STON1: variants seen among roughly 807,000 people sequenced by gnomAD.
STON1 encodes the protein stonin 1, also known as stonin-1.
Under a neutral mutation model 60.9 loss-of-function variants are expected in STON1, and 79 were observed. The ratio of observed to expected loss-of-function variants is 1.30; its 90% CI spans 1.08 to 1.56. STON1 has a LOEUF of 1.56. Ranked by LOEUF, STON1 falls within the 40% of genes most tolerant of loss-of-function variation. The probability of loss-of-function intolerance (pLI) is 0.00; values close to 1 mark genes in which losing one functional copy is unlikely to be tolerated. For missense variants in STON1, 1,166 were observed against 858.9 expected, an observed-to-expected ratio of 1.36 and a Z score of -4.47; for synonymous variants, 363 against 306.9, an observed-to-expected ratio of 1.18 and a Z score of -1.91.
intron 1 of STON1, among the ~76,000 whole-genome samples, chr2:48,579,097 G>C (rs181907190): frequency 2.2e-3 from 331 of 151,158 alleles, no homozygotes; most frequent in Non-Finnish European, 3.6e-3. Flanking sequence ...TCTGCCTCCC[G>C]GGCTCAAGCG....
At chr2:48,564,130 A>C (rs991427883) in intron 1 of STON1, among the ~76,000 whole-genome samples, 12 of 152,228 alleles carry the variant, frequency 7.9e-5, no homozygotes, top group African/African-American at 2.9e-4. Flanking sequence ...GCATTTGACC[A>C]TGGGTATTTT....
intron 1 of STON1, among the ~76,000 whole-genome samples, chr2:48,552,435 C>A (rs1329182906): frequency 2.0e-5 from 3 of 152,064 alleles, no homozygotes; most frequent in Non-Finnish European, 4.4e-5. Context: ...GTGATGGTTA[C>A]ACAACAATGT....
chr2:48,564,470 C>CTTCTTCTTCTTCT (rs1672774335), intron 1 of STON1, among the ~76,000 whole-genome samples: 6 of 54,530 alleles, frequency 1.1e-4, no homozygotes, highest in Admixed American at 3.5e-4. Flanking sequence ...TCTTCTTCTT[C>CTTCTTCTTCTTCT]TTCTTCTTCT....
At chr2:48,532,501 A>T (rs974603841) in intron 1 of STON1, among the ~76,000 whole-genome samples, 2 of 151,632 alleles carry the variant, frequency 1.3e-5, no homozygotes, top group African/African-American at 4.8e-5. Flanking sequence ...CCTGTTGCTT[A>T]GAAAAACAAT....
rs910242976 is a variant in STON1 at position 48,595,446 on chromosome 2, G to A, written c.*144G>A. The A allele has an allele frequency of 1.5e-5, 10 of 656,824 alleles. No individual in the cohort carries two copies. The highest frequency in any genetic ancestry group is 2.6e-5 in the Non-Finnish European group (10 of 390,658). The allele number at this position is 656,824 out of a possible 1,614,324, so 40.7% of individuals were successfully genotyped here. Reference sequence around the variant, plus strand: ...TGATGGCTGTGTTTAGAGAAGTTTAGACCTAAAACCGAACAATCTGTATTT... The same window carrying A: ...TGATGGCTGTGTTTAGAGAAGTTTAAACCTAAAACCGAACAATCTGTATTT... On this transcript the variant is annotated 3_prime_UTR_variant, in exon 4 of 4. Coordinates refer to ENST00000404752, the MANE Select transcript of STON1 (RefSeq NM_006873.4).
chr2:48,572,866 G>A (rs1673288490), intron 1 of STON1, among the ~76,000 whole-genome samples: 1 of 152,194 alleles, frequency 6.6e-6, no homozygotes, highest in Non-Finnish European at 1.5e-5. Flanking sequence ...TGCTCTCCCT[G>A]CTCTGAGGGA....
intron 1 of STON1, among the ~76,000 whole-genome samples, chr2:48,578,628 G>A (rs541139980): frequency 1.7e-3 from 157 of 94,696 alleles, no homozygotes; most frequent in African/African-American, 5.8e-3. Context: ...TCTCTCTGTC[G>A]TCCAGGCTGG....
intron 1 of STON1, among the ~76,000 whole-genome samples, chr2:48,534,753 G>T (rs1435210990): frequency 6.6e-6 from 1 of 152,190 alleles, no homozygotes; most frequent in Non-Finnish European, 1.5e-5. Flanking sequence ...CTGCACTCCA[G>T]CCTCGGCAAC....
At position 48,595,415 on chromosome 2, in the gene STON1, C is replaced by T; in HGVS notation, c.*113C>T. 1.1e-6 allele frequency: 1 copy of T among 876,868 alleles called. No homozygotes were observed. The allele number at this position is 876,868 out of a possible 1,614,324, so 54.3% of individuals were successfully genotyped here. A position where few individuals can be genotyped will look rare whatever the true frequency, so the allele number is the denominator to read the frequency against. On this transcript the variant is annotated 3_prime_UTR_variant, in exon 4 of 4. Coordinates refer to ENST00000404752, the MANE Select transcript of STON1 (RefSeq NM_006873.4). ...TGACTTCTGAATAGCGGTTTTAGGACAGGTCTGATGGCTGTGTTTAGAGAA... is the reference window on the plus strand; with the variant it reads ...TGACTTCTGAATAGCGGTTTTAGGATAGGTCTGATGGCTGTGTTTAGAGAA...
Position 48,568,701 on chromosome 2 carries a change from G to A in STON1, c.-47-11886G>A, listed in dbSNP as rs1248181984. On this transcript the variant is annotated intron_variant, in intron 1 of 3. Transcript: ENST00000404752. ...AGGGGCAGGAAATAGGGCGAGCTGA[G>A]TTATGAAAGCCATTCTCAGAAATGA... 3.3e-5 allele frequency among the ~76,000 whole-genome samples: 5 copies of A among 152,352 alleles called. No individual in the cohort carries two copies. The East Asian group carries it at 9.6e-4, about 29-fold the overall frequency.
Position 48,543,026 on chromosome 2 carries a change from G to A in STON1, c.-48+12810G>A, listed in dbSNP as rs1201659330. Among the ~76,000 whole-genome samples, 18 of 146,160 alleles carry A rather than the reference G, an allele frequency of 1.2e-4. No homozygotes were observed. In the Admixed American group the frequency reaches 1.3e-3, roughly 10 times the overall value. On this transcript the variant is annotated intron_variant, in intron 1 of 3. Transcript: ENST00000404752. ...GTCTCACTTTATTGCCCAGGCTGGA[G>A]TGCAGTGGCATGATCTCCACTCACT...
At chr2:48,569,034 G>C (rs1037867140) in intron 1 of STON1, 1 of 152,222 alleles carries the variant, frequency 6.6e-6, no homozygotes, top group African/African-American at 2.4e-5. Context: ...TTTGGGACTG[G>C]ACAGACCTGG....
chr2:48,580,623 T>G lies in STON1; in HGVS notation c.-11T>G, dbSNP rs751277220. 7.4e-7 allele frequency: 1 copy of G among 1,344,638 alleles called. No individual in the cohort carries two copies. The highest frequency in any genetic ancestry group is 9.6e-7 in the Non-Finnish European group (1 of 1,040,960). 83.3% of individuals were successfully genotyped at this position (1,344,638 alleles called of 1,614,324 possible). ...TTGATTTCTTGACAAGACCACAATC[T>G]GATCCCAAAGATGTGCTCCACAAAT... On this transcript the variant is annotated 5_prime_UTR_variant, in exon 2 of 4. Coordinates refer to ENST00000404752, the MANE Select transcript of STON1 (RefSeq NM_006873.4).
chr2:48,537,357 G>A (rs1671470133), intron 1 of STON1, among the ~76,000 whole-genome samples: 1 of 152,078 alleles, frequency 6.6e-6, no homozygotes, highest in Non-Finnish European at 1.5e-5. Flanking sequence ...ATGCTTTAAT[G>A]TCTTTTTCAT....
chr2:48,550,207 A>T (rs1337623758), intron 1 of STON1, among the ~76,000 whole-genome samples: 6 of 152,084 alleles, frequency 3.9e-5, no homozygotes, highest in African/African-American at 1.4e-4. Flanking sequence ...TATCTTAAGC[A>T]TATTTATATA....
At chr2:48,552,171 A>T (rs1259790846) in intron 1 of STON1, among the ~76,000 whole-genome samples, 1 of 152,280 alleles carries the variant, frequency 6.6e-6, no homozygotes, top group East Asian at 1.9e-4. Context: ...AGCCTTAAAA[A>T]GGAATGAAAT....
intron 1 of STON1, among the ~76,000 whole-genome samples, chr2:48,567,328 G>A (rs1234460516): frequency 6.6e-6 from 1 of 152,180 alleles, no homozygotes; most frequent in African/African-American, 2.4e-5. Flanking sequence ...TTAAGGTATT[G>A]TGTTTTCTGA....
rs543629200 is a variant in STON1 at position 48,565,585 on chromosome 2, C to T, written c.-47-15002C>T. 8.5e-5 allele frequency among the ~76,000 whole-genome samples: 13 copies of T among 152,256 alleles called. No homozygotes were observed. In the South Asian group the frequency reaches 2.5e-3, roughly 29 times the overall value. On this transcript the variant is annotated intron_variant, in intron 1 of 3. Coordinates refer to ENST00000404752, the MANE Select transcript of STON1 (RefSeq NM_006873.4). ...ATTATCAGATCCCCAGGGCAGAATA[C>T]AGGCATGGTCATAAGTTAGGCAGAA...
rs1673876228 is a variant in STON1, at chr2:48,581,395, T to C, written c.762T>C (p.Cys254=). The change falls in exon 2 of 4, where the codon TGT becomes TGC. Residue 254 remains cysteine (C), a synonymous_variant. Coordinates refer to ENST00000404752, the MANE Select transcript of STON1 (RefSeq NM_006873.4). The part of the protein sequence containing the change: ...SLRSLSMHCL[C]AEENASSFVP... ...GAAGTTTGTCTATGCACTGTCTATGTGCTGAAGAAAATGCCTCTTCCTTTG... is the reference window on the plus strand; with the variant it reads ...GAAGTTTGTCTATGCACTGTCTATGCGCTGAAGAAAATGCCTCTTCCTTTG... 4 of 1,607,786 alleles carry C rather than the reference T, an allele frequency of 2.5e-6. No individual in the cohort carries two copies.
Sources: gnomAD v4.1 joint callset for allele counts (sites outside exome capture counted in the v4.1 genomes callset) on GRCh38, gnomAD v4.1.1 for gene constraint, MANE v1.5 for transcripts, NCBI Gene and HGNC (gene_info 2026-07-23, HGNC 2026-07-21) for gene names.